The following MOK variants were observed in gnomAD, a reference collection of about 807,000 sequenced individuals.
MOK encodes the protein MAPK/MAK/MRK overlapping kinase.
Under a neutral mutation model 54.2 loss-of-function variants are expected in MOK, and 59 were observed. The ratio of observed to expected loss-of-function variants is 1.09; its 90% CI spans 0.88 to 1.35. MOK has a LOEUF of 1.35. Among genes scored for constraint, MOK ranks in the 40% most tolerant of loss-of-function variants. MOK has a pLI of 0.00. For missense variants in MOK, 517 were observed against 526.2 expected, an observed-to-expected ratio of 0.98 and a Z score of 0.17; for synonymous variants, 210 against 202.7, an observed-to-expected ratio of 1.04 and a Z score of -0.31.
At position 102,249,614 on chromosome 14, in the gene MOK, C is replaced by G. The variant is rs1266181147; in HGVS notation, c.590+1198G>C. Among the ~76,000 whole-genome samples the G allele has an allele frequency of 2.0e-5, 3 of 152,158 alleles. No homozygotes were observed. The highest frequency in any genetic ancestry group is 4.4e-5 in the Non-Finnish European group (3 of 68,026). On this transcript the variant is annotated intron_variant, in intron 7 of 11. Transcript: ENST00000361847. The surrounding 1 kb of genome is among the most constrained non-coding windows in gnomAD (Gnocchi z 5.3). ...ATCCCAGCTACTTGGGGGGCTGAGGCAGGAGAATCGCTAGAACCCGGGAGG... is the reference window on the plus strand; with the variant it reads ...ATCCCAGCTACTTGGGGGGCTGAGGGAGGAGAATCGCTAGAACCCGGGAGG...
intron 2 of MOK, among the ~76,000 whole-genome samples, chr14:102,268,525 G>A (rs1294288405): frequency 6.6e-6 from 1 of 152,096 alleles, no homozygotes; most frequent in African/African-American, 2.4e-5. Flanking sequence ...AGGAATGTAG[G>A]CAGCCTTTGC....
At chr14:102,259,890 A>G (rs1359791744) in intron 4 of MOK, among the ~76,000 whole-genome samples, 1 of 151,936 alleles carries the variant, frequency 6.6e-6, no homozygotes, top group Non-Finnish European at 1.5e-5. Context: ...TAAAAATACA[A>G]AACTTAGCCA....
intron 1 of MOK, among the ~76,000 whole-genome samples, chr14:102,289,006 G>A (rs1243511366): frequency 1.3e-5 from 2 of 152,222 alleles, no homozygotes; most frequent in Non-Finnish European, 2.9e-5. Flanking sequence ...AGGCTCAAGC[G>A]ATCATCCCAC....
downstream of MOK, among the ~76,000 whole-genome samples, chr14:102,224,233 G>C (rs928630613): frequency 4.6e-5 from 7 of 151,794 alleles, no homozygotes; most frequent in African/African-American, 1.7e-4. Context: ...GTAGAGATGG[G>C]GTTTCACCAT....
intron 1 of MOK, among the ~76,000 whole-genome samples, chr14:102,293,931 T>G (rs558659675): frequency 5.3e-5 from 8 of 152,260 alleles, no homozygotes; most frequent in African/African-American, 1.9e-4. Context: ...GTTGGCTAAG[T>G]GCCACGAAAA....
At chr14:102,260,412 T>C (rs531281204) in intron 4 of MOK, among the ~76,000 whole-genome samples, 86 of 152,252 alleles carry the variant, frequency 5.6e-4, no homozygotes, top group African/African-American at 2.0e-3. Context: ...TTAATTCCTA[T>C]AAAGTATTAA....
At chr14:102,295,780 T>C (rs961669871) in intron 1 of MOK, among the ~76,000 whole-genome samples, 1 of 152,200 alleles carries the variant, frequency 6.6e-6, no homozygotes, top group Non-Finnish European at 1.5e-5. Context: ...AATTTTAAAA[T>C]TGAAATTACA....
At chr14:102,272,706 T>C (rs1204857189) in intron 2 of MOK, among the ~76,000 whole-genome samples, 1 of 152,162 alleles carries the variant, frequency 6.6e-6, no homozygotes, top group Non-Finnish European at 1.5e-5. Context: ...CAGAATTCGA[T>C]ACCAATTCAG....
downstream of MOK, chr14:102,222,939 G>A (rs546744128): frequency 1.1e-3 from 1,735 of 1,605,306 alleles, 11 homozygotes; most frequent in Middle Eastern, 7.5e-3. The surrounding 1 kb of genome is among the most constrained non-coding windows in gnomAD (Gnocchi z 4.4). Context: ...GGAGTGACGA[G>A]GAGGAGCTCC....
intron 2 of MOK, among the ~76,000 whole-genome samples, chr14:102,275,144 T>C (rs186393251): frequency 9.1e-4 from 138 of 152,342 alleles, no homozygotes; most frequent in African/African-American, 3.1e-3. Context: ...AATTAGCTTT[T>C]GACAAAATAA....
chr14:102,284,450 G>A (rs779138648), intron 1 of MOK, among the ~76,000 whole-genome samples: 1 of 151,940 alleles, frequency 6.6e-6, no homozygotes, highest in South Asian at 2.1e-4. Context: ...AATTACTACT[G>A]ACTGCCTTAA....
downstream of MOK, among the ~76,000 whole-genome samples, chr14:102,228,273 G>C (rs1482261677): frequency 6.6e-6 from 1 of 152,342 alleles, no homozygotes; most frequent in East Asian, 1.9e-4. Flanking sequence ...TGAAGCCTAT[G>C]CTCAGAAGAG....
downstream of MOK, among the ~76,000 whole-genome samples, chr14:102,221,359 ACTTT>A (rs1044840203): frequency 1.3e-5 from 2 of 152,200 alleles, no homozygotes; most frequent in African/African-American, 4.8e-5. The surrounding 1 kb of genome is among the most constrained non-coding windows in gnomAD (Gnocchi z 4.8). Context: ...TGTGGAAAGC[ACTTT>A]CTTAGGGTGC....
intron 7 of MOK, among the ~76,000 whole-genome samples, chr14:102,250,462 C>A (rs553361611): frequency 1.3e-5 from 2 of 152,072 alleles, no homozygotes; most frequent in African/African-American, 4.8e-5. Flanking sequence ...GGCCAGGGCA[C>A]CCTACCTAAT....
rs1183952972 is a variant in MOK, at chr14:102,229,337, G to A, written c.1212C>T (p.Ala404=). ...TGGTGGGCAGGCGACACTGCTGCGG[G>A]GCAGGCTTAAGGTCCTTCTGCGGAT... is the stretch of plus-strand genomic sequence containing the variant. ...KTDPQKDLKP[A]PQQCRLPTIV... The change falls in exon 12 of 12, where the codon GCC becomes GCT. Residue 404 remains alanine, a synonymous_variant. Transcript: ENST00000361847. 1.9e-6 allele frequency: 3 copies of A among 1,613,942 alleles called. No individual in the cohort carries two copies. The highest frequency in any genetic ancestry group is 1.3e-5 in the African/African-American group (1 of 74,940).
chr14:102,276,054 G>T (rs903620158), intron 2 of MOK, among the ~76,000 whole-genome samples: 1 of 152,100 alleles, frequency 6.6e-6, no homozygotes, highest in Non-Finnish European at 1.5e-5. Context: ...ATTAGTCATC[G>T]GGGAAGTAGA....
intron 4 of MOK, among the ~76,000 whole-genome samples, chr14:102,252,501 T>C (rs1208021809): frequency 1.3e-5 from 2 of 152,050 alleles, no homozygotes; most frequent in African/African-American, 4.8e-5. Flanking sequence ...TAAAATTACA[T>C]AGCACATACA....
At chr14:102,246,969 C>T (rs909645420) in intron 7 of MOK, among the ~76,000 whole-genome samples, 1 of 152,082 alleles carries the variant, frequency 6.6e-6, no homozygotes, top group African/African-American at 2.4e-5. Flanking sequence ...GTTTATCTAG[C>T]CCCCCAGCCC....
At chr14:102,214,985 C>A in the MOK span, 3 of 984,526 alleles carry the variant, frequency 3.0e-6, no homozygotes, top group Non-Finnish European at 2.4e-6. Flanking sequence ...ATTAAATAAA[C>A]GTGTGTGAGT....
Sources: gnomAD v4.1 joint callset for allele counts (sites outside exome capture counted in the v4.1 genomes callset) on GRCh38, gnomAD v4.1.1 for gene constraint, Gnocchi (gnomAD v3.1) non-coding constraint, MANE v1.5 for transcripts, NCBI Gene and HGNC (gene_info 2026-07-23, HGNC 2026-07-21) for gene names.